VGLL4: variants seen among roughly 807,000 people sequenced by gnomAD.
VGLL4 encodes vestigial like family member 4.
In VGLL4, 7 loss-of-function variants were observed where a neutral mutation model predicts 21.0. The observed-to-expected ratio is 0.33, with a 90% CI of 0.19 to 0.63. The LOEUF (loss-of-function observed/expected upper bound fraction) is 0.63, where lower values mean the gene tolerates loss of function less well. VGLL4 is among the 20% of genes least tolerant of loss of function. VGLL4 has a pLI of 0.78. For synonymous variants in VGLL4, 222 were observed against 173.2 expected, an observed-to-expected ratio of 1.28 and a Z score of -2.21; for missense variants, 394 against 425.7, an observed-to-expected ratio of 0.93 and a Z score of 0.66.
chr3:11,612,838 G>GCA (rs1398132203), intron 1 of VGLL4, among the ~76,000 whole-genome samples: 10 of 152,356 alleles, frequency 6.6e-5, no homozygotes, highest in African/African-American at 2.4e-4. Flanking sequence ...AACACCAAGT[G>GCA]CACAGTCCTC....
intron 2 of VGLL4, among the ~76,000 whole-genome samples, chr3:11,666,897 T>C (rs1270141795): frequency 6.6e-6 from 1 of 152,110 alleles, no homozygotes; most frequent in Non-Finnish European, 1.5e-5. Flanking sequence ...GTGCATGCGC[T>C]CTCCTATCTG....
intron 2 of VGLL4, among the ~76,000 whole-genome samples, chr3:11,595,850 C>G (rs111869067): frequency 0.25 from 609 of 2,436 alleles, 5 homozygotes; most frequent in African/African-American, 0.45. Context: ...GTGGGGGGGG[C>G]GGGGAATAGC....
chr3:11,556,655 A>T lies in VGLL4; in HGVS notation c.*1901T>A, dbSNP rs1179860458. The T allele has an allele frequency of 6.5e-6, 1 of 152,744 alleles. No homozygotes were observed. Among genetic ancestry groups the T allele is most frequent in the Non-Finnish European group, 1.5e-5 (1 of 68,044 alleles). The allele number at this position is 152,744 out of a possible 1,614,324, so 9.5% of individuals were successfully genotyped here. On this transcript the variant is annotated 3_prime_UTR_variant, in exon 5 of 5. Transcript: ENST00000430365. The stretch of plus-strand genomic sequence containing the variant: ...AACAAAAAAAATGAATGATTACAAT[A>T]GGAAAGGGAAAAATTAAATAGCTAC...
intron 2 of VGLL4, among the ~76,000 whole-genome samples, chr3:11,576,833 G>C (rs970637860): frequency 2.0e-5 from 3 of 152,224 alleles, no homozygotes; most frequent in Non-Finnish European, 2.9e-5. Context: ...GCAGAGGGTG[G>C]AGAGAGAGCC....
At chr3:11,675,037 G>A (rs1575519917) in intron 2 of VGLL4, among the ~76,000 whole-genome samples, 1 of 152,120 alleles carries the variant, frequency 6.6e-6, no homozygotes, top group African/African-American at 2.4e-5. Flanking sequence ...CCATCTTTTC[G>A]GTTTTAACCA....
upstream of VGLL4, among the ~76,000 whole-genome samples, chr3:11,644,835 G>A (rs571468277): frequency 5.0e-4 from 63 of 125,192 alleles, no homozygotes; most frequent in South Asian, 0.016. Context: ...AACAGAGTGA[G>A]ACTTTGTCTC....
chr3:11,600,933 G>A (rs2074779010), intron 2 of VGLL4, among the ~76,000 whole-genome samples: 1 of 152,192 alleles, frequency 6.6e-6, no homozygotes, highest in African/African-American at 2.4e-5. Flanking sequence ...AACCTTGCCA[G>A]GATTGGCAAG....
Position 11,719,449 on chromosome 3 carries a change from C to A in VGLL4, c.-14+945G>T, listed in dbSNP as rs1292152940. The stretch of plus-strand genomic sequence containing the variant: ...CGGCTCTGGGCGCGCCCGCCTGGGG[C>A]CGGCCTGGCCCTGCGGGGGACCCAG... On this transcript the variant is annotated intron_variant, in intron 1 of 5. Coordinates refer to the VGLL4 transcript ENST00000273038. The surrounding 1 kb of genome is among the most constrained non-coding windows in gnomAD (Gnocchi z 4.0). The A allele has an allele frequency of 1.3e-5, 2 of 151,562 alleles. No individual in the cohort carries two copies. The highest frequency in any genetic ancestry group is 2.9e-5 in the Non-Finnish European group (2 of 67,846). 9.4% of individuals were successfully genotyped at this position (151,562 alleles called of 1,614,324 possible).
intron 2 of VGLL4, among the ~76,000 whole-genome samples, chr3:11,593,371 TCCAGGGAAAAC>T (rs2074550736): frequency 6.6e-6 from 1 of 152,058 alleles, no homozygotes; most frequent in East Asian, 1.9e-4. Flanking sequence ...ATAAAGAAAA[TCCAGGGAAAAC>T]CCCCAATCCC....
intron 2 of VGLL4, among the ~76,000 whole-genome samples, chr3:11,592,836 A>T (rs1372203069): frequency 1.3e-5 from 2 of 152,154 alleles, no homozygotes; most frequent in Non-Finnish European, 2.9e-5. Flanking sequence ...TAGAACTGTG[A>T]GGATAAAACG....
At chr3:11,630,642 G>A (rs1014378808) in intron 1 of VGLL4, among the ~76,000 whole-genome samples, 3 of 151,982 alleles carry the variant, frequency 2.0e-5, no homozygotes, top group Non-Finnish European at 4.4e-5. Context: ...GTGAAACTCC[G>A]TCTCAAAAAT....
intron 1 of VGLL4, chr3:11,627,226 A>ACTCTCTCTCTCTCTCTCT (rs1559908791): frequency 7.8e-6 from 1 of 127,522 alleles, no homozygotes; most frequent in African/African-American, 3.7e-5. Flanking sequence ...ACACACACAC[A>ACTCTCTCTCTCTCTCTCT]CACACTCTCT....
chr3:11,720,189 C>G (rs2076975004), intron 1 of VGLL4, among the ~76,000 whole-genome samples: 1 of 148,828 alleles, frequency 6.7e-6, no homozygotes, highest in Non-Finnish European at 1.5e-5. Flanking sequence ...TCAGCCGAAC[C>G]TGCGGCACCC....
intron 1 of VGLL4, among the ~76,000 whole-genome samples, chr3:11,638,549 C>G (rs889300723): frequency 2.0e-5 from 3 of 152,058 alleles, no homozygotes; most frequent in Non-Finnish European, 2.9e-5. Context: ...CCCCCTTCCT[C>G]CCTAACCCCC....
intron 2 of VGLL4, among the ~76,000 whole-genome samples, chr3:11,662,676 C>A (rs1011939734): frequency 6.6e-6 from 1 of 152,202 alleles, no homozygotes; most frequent in Non-Finnish European, 1.5e-5. Context: ...GAGACAGGAA[C>A]AGAAGTCTGC....
chr3:11,584,198 T>TAA lies in VGLL4; in HGVS notation c.272+17634_272+17635insTT, dbSNP rs1371307032. ...GACAGAGCATCCTTAATATGAAGAG[T>TAA]CGTAACATATCAAGAGAAAGAAGAT... On this transcript the variant is annotated intron_variant, in intron 2 of 4. Transcript: ENST00000430365. Among the ~76,000 whole-genome samples, 7 of 151,614 alleles carry TAA rather than the reference T, an allele frequency of 4.6e-5. No individual in the cohort carries two copies. The East Asian group carries it at 1.2e-3, about 25-fold the overall frequency.
At chr3:11,702,834 T>C in intron 2 of VGLL4, 1 of 612,794 alleles carries the variant, frequency 1.6e-6, no homozygotes. Context: ...GTGAAGCTGT[T>C]ATCTCTAAGG....
chr3:11,674,174 A>C (rs2076257249), intron 2 of VGLL4, among the ~76,000 whole-genome samples: 1 of 152,162 alleles, frequency 6.6e-6, no homozygotes, highest in Admixed American at 6.5e-5. Context: ...AATGGAGAAT[A>C]AAGATGTTTT....
intron 1 of VGLL4, among the ~76,000 whole-genome samples, chr3:11,717,334 A>T (rs2076932911): frequency 6.6e-6 from 1 of 151,890 alleles, no homozygotes; most frequent in African/African-American, 2.4e-5. Flanking sequence ...TCATTATTTT[A>T]CTAAGGCAAA....
Sources: gnomAD v4.1 joint callset for allele counts (sites outside exome capture counted in the v4.1 genomes callset) on GRCh38, gnomAD v4.1.1 for gene constraint, Gnocchi (gnomAD v3.1) non-coding constraint, MANE v1.5 for transcripts, NCBI Gene and HGNC (gene_info 2026-07-23, HGNC 2026-07-21) for gene names.